SLC39A12: variants seen among roughly 807,000 people sequenced by gnomAD.
The protein encoded by SLC39A12 is zinc transporter ZIP12.
In SLC39A12, 63 loss-of-function variants were observed where a neutral mutation model predicts 71.1. The observed-to-expected ratio is 0.89, with a 90% confidence interval of 0.72 to 1.09. The LOEUF is 1.09. Ranked by LOEUF, SLC39A12 falls within the 50% of genes least tolerant of loss-of-function variation. The probability of loss-of-function intolerance (pLI) is 0.00; values close to 1 mark genes in which losing one functional copy is unlikely to be tolerated. For missense variants in SLC39A12, 892 were observed against 812.6 expected (o/e 1.10, Z -1.19); for synonymous variants, 351 against 301.3 (o/e 1.16, Z -1.71).
In SLC39A12 at chr10:17,978,023, C is replaced by T. The variant is rs559495234; in HGVS notation, c.873C>T (p.Phe291=). The T allele has an allele frequency of 6.9e-6, 11 of 1,604,338 alleles. No homozygotes were observed. The South Asian group carries it at 1.0e-4, about 15-fold the overall frequency. ...IITHDQDYSN[F]SSSMEKESED... ...CCCATGATCAGGACTATTCTAATTTCTCTTCATCCATGGAAAAAGAGTCTG... is the reference window on the plus strand; with the variant it reads ...CCCATGATCAGGACTATTCTAATTTTTCTTCATCCATGGAAAAAGAGTCTG... Residue 291 remains phenylalanine, a synonymous_variant, in exon 5 of 13, where the codon TTC becomes TTT. Coordinates refer to ENST00000377369, the MANE Select transcript of SLC39A12 (RefSeq NM_001145195.2).
intron 4 of SLC39A12, among the ~76,000 whole-genome samples, chr10:17,977,253 T>C (rs184422401): frequency 6.6e-6 from 1 of 152,222 alleles, no homozygotes; most frequent in African/African-American, 2.4e-5. Context: ...TTAAACATAA[T>C]ATTTCCTTTA....
At position 17,993,212 on chromosome 10, in the gene SLC39A12, G is replaced by A. The variant is rs1353958698; in HGVS notation, c.1454G>A (p.Gly485Asp). ...CTGTCATTGGTTAATGGGCACGTGGGTCATTCCCACCATCTTGCACTCAAC... is the reference window on the plus strand; with the variant it reads ...CTGTCATTGGTTAATGGGCACGTGGATCATTCCCACCATCTTGCACTCAAC... ...QGLSLVNGHV[G>D]HSHHLALNSE... Residue 485 changes from glycine to aspartate, a missense_variant, in exon 9 of 13, where the codon GGT (glycine) becomes GAT (aspartate). Coordinates refer to ENST00000377369, the MANE Select transcript of SLC39A12 (RefSeq NM_001145195.2). 1.9e-6 allele frequency: 3 copies of A among 1,551,566 alleles called. No individual in the cohort carries two copies. The highest frequency in any genetic ancestry group is 2.6e-6 in the Non-Finnish European group (3 of 1,146,954).
chr10:17,961,736 G>A lies in SLC39A12; in HGVS notation c.417G>A (p.Glu139=), dbSNP rs1305945122. ...CAAAGCTCAACATGAGTAATAAAGA[G>A]TATAAATTTTACCTACACAGCCTAC... ...CSSKLNMSNK[E]YKFYLHSLLS... Residue 139 remains glutamate, a synonymous_variant, in exon 3 of 13, where the codon GAG becomes GAA. Coordinates refer to ENST00000377369, the MANE Select transcript of SLC39A12 (RefSeq NM_001145195.2). 11 of 1,613,976 alleles carry A rather than the reference G, an allele frequency of 6.8e-6. No individual in the cohort carries two copies. The highest frequency in any genetic ancestry group is 9.3e-6 in the Non-Finnish European group (11 of 1,179,982).
At chr10:18,025,180 G>C (rs1402984785) in intron 12 of SLC39A12, among the ~76,000 whole-genome samples, 2 of 150,948 alleles carry the variant, frequency 1.3e-5, no homozygotes, top group Non-Finnish European at 3.0e-5. Context: ...CATTTTTTTT[G>C]CCTTTTGGTT....
rs1200366223 is a variant in SLC39A12, at chr10:18,041,823, G to GTGTCTA, written c.1948-881_1948-880insGTCTAT. ...TGTATATACATATGTATACGTATAT[G>GTGTCTA]TATGTACATACATATGTATACGTAT... On this transcript the variant is annotated intron_variant, in intron 12 of 12. Transcript: ENST00000377369. 4.9e-3 allele frequency among the ~76,000 whole-genome samples: 648 copies of GTGTCTA among 133,142 alleles called. 23 individuals are homozygous for GTGTCTA. The highest frequency in any genetic ancestry group is 0.017 in the African/African-American group (613 of 36,458). The allele number at this position is 133,142 out of a possible 152,430, so 87.3% of individuals were successfully genotyped here.
At chr10:18,010,620 C>T (rs949258413) in intron 12 of SLC39A12, 1 of 152,140 alleles carries the variant, frequency 6.6e-6, no homozygotes, top group East Asian at 1.9e-4. Flanking sequence ...AGTAATTAAG[C>T]CAACTTTGGT....
intron 7 of SLC39A12, among the ~76,000 whole-genome samples, chr10:17,988,198 C>T (rs1471437998): frequency 6.6e-6 from 1 of 152,162 alleles, no homozygotes. Flanking sequence ...ATCCTAGCTA[C>T]TCGGGAGGCT....
In SLC39A12 at chr10:17,965,512, A is replaced by T. The variant is rs775125998; in HGVS notation, c.573A>T (p.Lys191Asn). The T allele has an allele frequency of 1.2e-6, 2 of 1,614,164 alleles. No homozygotes were observed. The highest frequency in any genetic ancestry group is 1.7e-5 in the Admixed American group (1 of 60,022). ...TGGAAACCAAAACGCTGCAGAAAAA[A>T]TCTGGAATAGTGAGCAGTGAAGGTG... ...QCMETKTLQK[K>N]SGIVSSEGAN... The change falls in exon 4 of 13, where the codon AAA becomes AAT. Residue 191 changes from lysine to asparagine, a missense_variant. By Grantham distance (94) the Lys-to-Asn change is moderately conservative. Coordinates refer to ENST00000377369, the MANE Select transcript of SLC39A12 (RefSeq NM_001145195.2).
intron 4 of SLC39A12, among the ~76,000 whole-genome samples, chr10:17,966,973 CAAA>C (rs375769208): frequency 7.5e-6 from 1 of 133,470 alleles, no homozygotes; most frequent in Non-Finnish European, 1.6e-5. Flanking sequence ...GATTCCATCT[CAAA>C]AAAAAAAAAT....
chr10:18,039,368 A>G (rs1837155698), intron 12 of SLC39A12, among the ~76,000 whole-genome samples: 2 of 152,354 alleles, frequency 1.3e-5, no homozygotes, highest in Non-Finnish European at 1.5e-5. Context: ...GGACAAAGGA[A>G]GGTGGTGGCC....
At chr10:18,036,781 TATATATATA>T (rs1479145634) in intron 12 of SLC39A12, among the ~76,000 whole-genome samples, 795 of 14,166 alleles carry the variant, frequency 0.056, 84 homozygotes, top group African/African-American at 0.14. Flanking sequence ...TATATATATA[TATATATATA>T]TATATTTTTT....
At chr10:17,995,795 G>A (rs890295785) in intron 10 of SLC39A12, 73 bp downstream of exon 10, 1 of 1,352,332 alleles carries the variant, frequency 7.4e-7, no homozygotes, top group African/African-American at 1.5e-5. Flanking sequence ...AAAATAAAAT[G>A]TCAAAACTAT....
intron 7 of SLC39A12, among the ~76,000 whole-genome samples, chr10:17,989,268 G>C (rs1220892631): frequency 2.0e-5 from 3 of 152,168 alleles, no homozygotes; most frequent in African/African-American, 7.2e-5. Context: ...TTGTTGCTTC[G>C]AGGCTCAATT....
intron 4 of SLC39A12, among the ~76,000 whole-genome samples, chr10:17,970,402 T>TGGACA: frequency 6.6e-6 from 1 of 152,202 alleles, no homozygotes; most frequent in South Asian, 2.1e-4. Flanking sequence ...ACAATATTTA[T>TGGACA]TTTTCCAATC....
intron 12 of SLC39A12, among the ~76,000 whole-genome samples, chr10:18,034,450 T>C (rs1212370443): frequency 1.3e-5 from 2 of 152,228 alleles, no homozygotes; most frequent in Non-Finnish European, 2.9e-5. Context: ...GTCTGTTTTA[T>C]CAGAGACTAG....
chr10:17,971,758 G>A (rs1834980852), intron 4 of SLC39A12, among the ~76,000 whole-genome samples: 1 of 151,796 alleles, frequency 6.6e-6, no homozygotes, highest in African/African-American at 2.4e-5. Flanking sequence ...GCTTGTCAAT[G>A]TTCTTTAACT....
At chr10:18,020,200 A>G (rs1329591368) in intron 12 of SLC39A12, among the ~76,000 whole-genome samples, 2 of 152,070 alleles carry the variant, frequency 1.3e-5, no homozygotes, top group Admixed American at 1.3e-4. Flanking sequence ...TTTCCCCCTT[A>G]TAAGTGAGAA....
At chr10:18,019,234 G>C (rs1168979889) in intron 12 of SLC39A12, among the ~76,000 whole-genome samples, 1 of 151,976 alleles carries the variant, frequency 6.6e-6, no homozygotes, top group Non-Finnish European at 1.5e-5. Context: ...AGAATCTGTA[G>C]TGACATCCTC....
intron 12 of SLC39A12, among the ~76,000 whole-genome samples, chr10:18,017,680 A>G (rs1322687737): frequency 6.6e-6 from 1 of 152,196 alleles, no homozygotes; most frequent in African/African-American, 2.4e-5. Flanking sequence ...CTCCTTTATC[A>G]AAGATCAGCT....
Sources: allele counts gnomAD v4.1 joint callset (sites outside exome capture counted in the v4.1 genomes callset), GRCh38; gene constraint gnomAD v4.1.1; transcripts MANE v1.5; gene names NCBI Gene and HGNC (gene_info 2026-07-23, HGNC 2026-07-21).